Variants in HMGB1 observed in about 807,000 individuals in gnomAD.
The protein encoded by HMGB1 is high mobility group box 1, also known as high mobility group protein B1.
For missense variants in HMGB1, 79 were observed against 253.5 expected, an observed-to-expected ratio of 0.31 and a Z score of 4.67; for synonymous variants, 81 against 84.0, an observed-to-expected ratio of 0.96 and a Z score of 0.19.
intron 1 of HMGB1, chr13:30,543,026 C>T (rs1868965431): frequency 6.6e-6 from 1 of 151,524 alleles, no homozygotes. Flanking sequence ...CCGTGCTTGA[C>T]TTTAATCATT....
intron 1 of HMGB1, among the ~76,000 whole-genome samples, chr13:30,481,201 A>G (rs1174264026): frequency 6.6e-6 from 1 of 152,134 alleles, no homozygotes; most frequent in East Asian, 1.9e-4. Context: ...TCATGTATCT[A>G]TACATTCTTC....
intron 1 of HMGB1, among the ~76,000 whole-genome samples, chr13:30,585,594 C>T (rs990808853): frequency 8.6e-5 from 13 of 151,868 alleles, no homozygotes; most frequent in African/African-American, 3.1e-4. Flanking sequence ...GGGAGAATCG[C>T]TTGAACCTGG....
intron 1 of HMGB1, among the ~76,000 whole-genome samples, chr13:30,537,092 A>G (rs1593296342): frequency 6.6e-6 from 1 of 152,194 alleles, no homozygotes; most frequent in Non-Finnish European, 1.5e-5. Flanking sequence ...GTTTTATGAA[A>G]TGTCTTTATT....
intron 1 of HMGB1, among the ~76,000 whole-genome samples, chr13:30,499,070 A>G (rs1317686629): frequency 3.3e-5 from 5 of 151,446 alleles, no homozygotes; most frequent in Non-Finnish European, 7.4e-5. Context: ...TTCCTGCCTT[A>G]GTCTCCTAAG....
chr13:30,609,254 C>T (rs1250152811), intron 1 of HMGB1, among the ~76,000 whole-genome samples: 1 of 151,922 alleles, frequency 6.6e-6, no homozygotes, highest in Non-Finnish European at 1.5e-5. Context: ...AGCCAGACTC[C>T]GTCTCAAAAA....
chr13:30,523,608 T>C (rs539244416), intron 1 of HMGB1, among the ~76,000 whole-genome samples: 1 of 152,178 alleles, frequency 6.6e-6, no homozygotes, highest in South Asian at 2.1e-4. Flanking sequence ...ACTCTCTGCA[T>C]ATGCTGGTGT....
chr13:30,538,190 C>T (rs1233651929), intron 1 of HMGB1, among the ~76,000 whole-genome samples: 2 of 152,226 alleles, frequency 1.3e-5, no homozygotes, highest in Non-Finnish European at 2.9e-5. Flanking sequence ...ATCCCAGACA[C>T]CGGGTTTCTT....
intron 1 of HMGB1, among the ~76,000 whole-genome samples, chr13:30,490,345 C>T (rs924744450): frequency 2.6e-5 from 4 of 151,984 alleles, no homozygotes; most frequent in Non-Finnish European, 5.9e-5. Flanking sequence ...TTGGGCTGGG[C>T]GTGGTGGTTC....
chr13:30,464,857 T>C (rs1453727995), intron 1 of HMGB1: 1 of 147,742 alleles, frequency 6.8e-6, no homozygotes, highest in African/African-American at 2.5e-5. Context: ...AGCCGCGCTC[T>C]GGCGCACACA....
At chr13:30,465,728 C>G (rs923010110) in intron 1 of HMGB1, 68 bp downstream of exon 1, 3 of 898,196 alleles carry the variant, frequency 3.3e-6, no homozygotes, top group African/African-American at 3.6e-5. Flanking sequence ...CCGCGGGGAT[C>G]CGGCCGCCGC....
rs766238024 is a variant in HMGB1, at chr13:30,538,548, T to TC, written c.-14-74855dup. ...CCTTTCTTTCTTTCCTTTCTTTCTT[T>TC]CTTTCTTTTTCTTTCTTCTTTTTCT... On this transcript the variant is annotated intron_variant, in intron 1 of 4. Transcript: ENST00000405805. Among the ~76,000 whole-genome samples the TC allele has an allele frequency of 3.1e-3, 343 of 111,176 alleles. 22 individuals carry two copies. The highest frequency in any genetic ancestry group is 0.015 in the African/African-American group (293 of 19,332). The allele number at this position is 111,176 out of a possible 152,430, so 72.9% of individuals were successfully genotyped here.
intron 1 of HMGB1, among the ~76,000 whole-genome samples, chr13:30,517,955 G>A (rs1034223350): frequency 2.6e-5 from 4 of 152,244 alleles, no homozygotes; most frequent in East Asian, 1.9e-4. Context: ...GACTTCCATC[G>A]AGTAACATGG....
chr13:30,537,652 C>CCTATAT (rs1555238610), intron 1 of HMGB1, among the ~76,000 whole-genome samples: 7 of 68,022 alleles, frequency 1.0e-4, no homozygotes, highest in African/African-American at 2.6e-4. Context: ...CATTCTTGTT[C>CCTATAT]ATATATATAT....
At chr13:30,488,094 A>C (rs887213189) in intron 1 of HMGB1, among the ~76,000 whole-genome samples, 2 of 152,238 alleles carry the variant, frequency 1.3e-5, no homozygotes, top group African/African-American at 4.8e-5. Context: ...AATGATTTAA[A>C]ATTGAGGGGA....
chr13:30,490,169 A>C (rs1887454511), intron 1 of HMGB1, among the ~76,000 whole-genome samples: 1 of 152,106 alleles, frequency 6.6e-6, no homozygotes, highest in African/African-American at 2.4e-5. Flanking sequence ...AGAAATAATA[A>C]ATATGTTTAG....
intron 1 of HMGB1, among the ~76,000 whole-genome samples, chr13:30,588,907 C>A (rs1005717611): frequency 6.6e-6 from 1 of 151,474 alleles, no homozygotes; most frequent in African/African-American, 2.4e-5. Flanking sequence ...ACAGAGCAAG[C>A]CTCTGTTTAA....
intron 1 of HMGB1, among the ~76,000 whole-genome samples, chr13:30,568,931 C>T (rs1430128461): frequency 1.3e-5 from 2 of 152,166 alleles, no homozygotes; most frequent in African/African-American, 4.8e-5. Context: ...AACCCCAGCA[C>T]TTTGGGAGGC....
intron 1 of HMGB1, among the ~76,000 whole-genome samples, chr13:30,478,844 A>G (rs1162462132): frequency 6.7e-6 from 1 of 149,382 alleles, no homozygotes; most frequent in African/African-American, 2.5e-5. Flanking sequence ...CCCAAATCCC[A>G]ATTTCTTTTT....
At chr13:30,539,325 C>T (rs1441918951) in intron 1 of HMGB1, among the ~76,000 whole-genome samples, 1 of 152,200 alleles carries the variant, frequency 6.6e-6, no homozygotes, top group African/African-American at 2.4e-5. Flanking sequence ...CACTTATTCT[C>T]ACAGAGGTGA....
Sources: gnomAD v4.1 joint callset for allele counts (sites outside exome capture counted in the v4.1 genomes callset) on GRCh38, gnomAD v4.1.1 for gene constraint, MANE v1.5 for transcripts, NCBI Gene and HGNC (gene_info 2026-07-23, HGNC 2026-07-21) for gene names.